GAS2: variants seen among roughly 807,000 people sequenced by gnomAD.
GAS2 encodes growth arrest-specific protein 2.
Under a neutral mutation model 37.5 loss-of-function variants are expected in GAS2, and 20 were observed. The ratio of observed to expected loss-of-function variants is 0.53; its 90% CI spans 0.37 to 0.77. The LOEUF (loss-of-function observed/expected upper bound fraction) is 0.77, where lower values mean the gene tolerates loss of function less well. Among genes scored for constraint, GAS2 ranks in the 30% least tolerant of loss-of-function variants. GAS2 has a pLI of 0.00. For missense variants in GAS2, 336 were observed against 373.4 expected (o/e 0.90, Z 0.82); for synonymous variants, 144 against 132.2 (o/e 1.09, Z -0.61).
intron 7 of GAS2, among the ~76,000 whole-genome samples, chr11:22,801,450 G>T (rs1410466969): frequency 6.8e-6 from 1 of 147,676 alleles, no homozygotes; most frequent in Non-Finnish European, 1.5e-5. Context: ...GCATGGGATA[G>T]TTTTTTTTTT....
At chr11:22,677,573 T>C (rs1380874371) in intron 2 of GAS2, among the ~76,000 whole-genome samples, 1 of 152,224 alleles carries the variant, frequency 6.6e-6, no homozygotes, top group Non-Finnish European at 1.5e-5. Flanking sequence ...TGACTTGTCA[T>C]CAAGGGCATT....
intron 7 of GAS2, among the ~76,000 whole-genome samples, chr11:22,763,259 A>G (rs941693075): frequency 6.6e-6 from 1 of 152,258 alleles, no homozygotes; most frequent in Admixed American, 6.5e-5. Context: ...CCTGTGTGGT[A>G]AAAATCAACT....
intron 3 of GAS2, among the ~76,000 whole-genome samples, chr11:22,710,466 T>C (rs1590685949): frequency 1.3e-5 from 2 of 148,522 alleles, no homozygotes; most frequent in Non-Finnish European, 3.0e-5. Flanking sequence ...ATTCAAGATA[T>C]ATATATATGT....
intron 7 of GAS2, among the ~76,000 whole-genome samples, chr11:22,809,651 C>A (rs1288812145): frequency 6.9e-6 from 1 of 145,358 alleles, no homozygotes; most frequent in Non-Finnish European, 1.5e-5. Flanking sequence ...CCATGCCCAG[C>A]TAATTTTTTT....
intron 4 of GAS2, among the ~76,000 whole-genome samples, chr11:22,728,552 TA>T (rs1330453706): frequency 6.6e-6 from 1 of 151,176 alleles, no homozygotes; most frequent in African/African-American, 2.4e-5. Flanking sequence ...TATATAATTG[TA>T]AAAATATTTT....
chr11:22,694,508 GT>G (rs1211619943), intron 3 of GAS2, among the ~76,000 whole-genome samples: 1 of 152,116 alleles, frequency 6.6e-6, no homozygotes, highest in Non-Finnish European at 1.5e-5. Context: ...AGCCACTTGG[GT>G]CCCACTGAGT....
chr11:22,748,747 A>G (rs1853553412), intron 5 of GAS2, among the ~76,000 whole-genome samples: 1 of 152,106 alleles, frequency 6.6e-6, no homozygotes, highest in South Asian at 2.1e-4. Context: ...TTTTTAACAA[A>G]CTTAGGTTCA....
chr11:22,694,017 T>C (rs944017362), intron 3 of GAS2, among the ~76,000 whole-genome samples: 14 of 151,982 alleles, frequency 9.2e-5, no homozygotes, highest in African/African-American at 3.4e-4. Flanking sequence ...TTTCAGAGGG[T>C]AGCGGGAAGG....
At chr11:22,720,137 C>T (rs1851878125) in intron 3 of GAS2, among the ~76,000 whole-genome samples, 1 of 152,026 alleles carries the variant, frequency 6.6e-6, no homozygotes. Flanking sequence ...TGTACTAAAA[C>T]TCTGCTCTGA....
At chr11:22,743,172 C>T (rs1442476399) in intron 5 of GAS2, among the ~76,000 whole-genome samples, 1 of 152,050 alleles carries the variant, frequency 6.6e-6, no homozygotes, top group African/African-American at 2.4e-5. Context: ...ATAGTTCTGA[C>T]ATTTCACAAT....
intron 1 of GAS2, among the ~76,000 whole-genome samples, chr11:22,636,835 G>A (rs928037619): frequency 5.4e-5 from 8 of 147,520 alleles, no homozygotes; most frequent in South Asian, 2.1e-4. Context: ...GTATATATAT[G>A]TCTAGTAAGT....
intron 4 of GAS2, 91 bp from the exon 5 acceptor site, chr11:22,737,614 G>A: frequency 8.7e-7 from 1 of 1,144,364 alleles, no homozygotes; most frequent in Non-Finnish European, 1.3e-6. Context: ...TTTCCTGGGA[G>A]CACGAGGAAT....
intron 4 of GAS2, among the ~76,000 whole-genome samples, chr11:22,736,002 G>A (rs1372760585): frequency 1.8e-5 from 1 of 55,782 alleles, no homozygotes; most frequent in Non-Finnish European, 4.3e-5. Context: ...CCATGGATAT[G>A]TTAAAAAAAA....
intron 1 of GAS2, among the ~76,000 whole-genome samples, chr11:22,639,889 G>A (rs1409779086): frequency 1.3e-5 from 2 of 152,130 alleles, no homozygotes; most frequent in African/African-American, 4.8e-5. Flanking sequence ...TGCCTTTGGG[G>A]CATATGAATG....
chr11:22,747,945 G>A (rs1853501442), intron 5 of GAS2, among the ~76,000 whole-genome samples: 1 of 151,876 alleles, frequency 6.6e-6, no homozygotes, highest in Non-Finnish European at 1.5e-5. Context: ...TATGTGTAAT[G>A]GTATCAGTTA....
At chr11:22,706,366 G>T (rs1442039446) in intron 3 of GAS2, among the ~76,000 whole-genome samples, 1 of 151,828 alleles carries the variant, frequency 6.6e-6, no homozygotes, top group Non-Finnish European at 1.5e-5. Context: ...TAAGTTTTAG[G>T]GTACATGTGC....
chr11:22,684,258 A>G (rs1001845598), intron 2 of GAS2, among the ~76,000 whole-genome samples: 2 of 152,198 alleles, frequency 1.3e-5, no homozygotes, highest in African/African-American at 4.8e-5. Context: ...TATTCCAGGT[A>G]AAGGAGAAAA....
Position 22,789,924 on chromosome 11 carries a change from G to A in GAS2, c.724-21874G>A, listed in dbSNP as rs142924438. Among the ~76,000 whole-genome samples the A allele has an allele frequency of 4.2e-3, 647 of 152,262 alleles. 7 individuals are homozygous for A. Among genetic ancestry groups the A allele is most frequent in the African/African-American group, 0.015 (608 of 41,552 alleles). On this transcript the variant is annotated intron_variant, in intron 7 of 7. Transcript: ENST00000454584. The stretch of plus-strand genomic sequence containing the variant: ...TAACACATTAGCTATGAGAAAGTAT[G>A]TTTATTTTTCTAACATGGTATGATA...
intron 7 of GAS2, among the ~76,000 whole-genome samples, chr11:22,803,267 G>C (rs138188324): frequency 4.0e-4 from 61 of 152,198 alleles, no homozygotes; most frequent in African/African-American, 1.4e-3. Context: ...GTATTCCGTC[G>C]TGTTACCTCA....
Sources: allele counts gnomAD v4.1 joint callset (sites outside exome capture counted in the v4.1 genomes callset), GRCh38; gene constraint gnomAD v4.1.1; transcripts MANE v1.5; gene names NCBI Gene and HGNC (gene_info 2026-07-23, HGNC 2026-07-21).